The following RIPPLY3 variants were observed in gnomAD, a reference collection of about 807,000 sequenced individuals.
RIPPLY3 encodes protein ripply3.
In RIPPLY3, 8 loss-of-function variants were observed where a neutral mutation model predicts 11.9. That is an observed-to-expected ratio of 0.67 (90% CI 0.40 to 1.21). The LOEUF (loss-of-function observed/expected upper bound fraction) is 1.21. RIPPLY3 is among the 50% of genes most tolerant of loss of function. The pLI is 0.01. For missense variants in RIPPLY3, 271 were observed against 246.0 expected, an observed-to-expected ratio of 1.10 and a Z score of -0.68; for synonymous variants, 102 against 99.0, an observed-to-expected ratio of 1.03 and a Z score of -0.18.
At position 37,018,270 on chromosome 21, in the gene RIPPLY3, C is replaced by T. The variant is rs779921991; in HGVS notation, c.*63C>T. 36 of 1,387,530 alleles carry T rather than the reference C, an allele frequency of 2.6e-5. No individual in the cohort carries two copies. The highest frequency in any genetic ancestry group is 3.6e-4 in the Middle Eastern group (2 of 5,630). The allele number at this position is 1,387,530 out of a possible 1,614,324, so 86.0% of individuals were successfully genotyped here. A position where few individuals can be genotyped will look rare whatever the true frequency, so the allele number is the denominator to read the frequency against. ...CCCCTCACGTTCTCTTGGGGACACC[C>T]GAGCCAGGACACTACGCATCCCTGC... On this transcript the variant is annotated 3_prime_UTR_variant, in exon 4 of 4. Transcript: ENST00000329553.
Position 37,017,873 on chromosome 21 carries a change from G to T in RIPPLY3, c.240-1G>T. The T allele has an allele frequency of 6.2e-7, 1 of 1,601,680 alleles. No individual in the cohort carries two copies. Among genetic ancestry groups the T allele is most frequent in the Non-Finnish European group, 8.5e-7 (1 of 1,173,128 alleles). On this transcript the variant is annotated splice_acceptor_variant, in intron 3 of 3. Transcript: ENST00000329553. LOFTEE classifies it high-confidence loss of function. The stretch of plus-strand genomic sequence containing the variant: ...TGGTATATTTGTTTCTTAAATATTA[G>T]AGTCTATTTACCCATGTCAAAGCGT...
At chr21:37,012,220 TATTATTA>T (rs2069531449) in intron 2 of RIPPLY3, among the ~76,000 whole-genome samples, 1 of 143,652 alleles carries the variant, frequency 7.0e-6, no homozygotes, top group Admixed American at 7.0e-5. Context: ...TATTTATTAT[TATTATTA>T]TTATTATTAT....
At chr21:37,008,358 C>A in intron 2 of RIPPLY3, 135 bp downstream of exon 2, 1 of 798,242 alleles carries the variant, frequency 1.3e-6, no homozygotes, top group Non-Finnish European at 2.0e-6. Flanking sequence ...GCCTCGGGGT[C>A]TGGGAGTTGG....
chr21:37,018,142 T>C lies in RIPPLY3; in HGVS notation c.508T>C (p.Trp170Arg). The C allele has an allele frequency of 6.2e-7, 1 of 1,613,870 alleles. No individual in the cohort carries two copies. The highest frequency in any genetic ancestry group is 8.5e-7 in the Non-Finnish European group (1 of 1,179,942). Residue 170 changes from tryptophan to arginine, a missense_variant, in exon 4 of 4, where the codon TGG (tryptophan) becomes CGG (arginine). Physicochemically the swap from Trp to Arg is moderately radical, Grantham distance 101 (BLOSUM62 -3). Transcript: ENST00000329553. Reference sequence around the variant, plus strand: ...GCGATCCTCAGGAGGGGGTGACCACTGGGGGGAGGGTCCGCTCCCTCAAGG... The same window carrying C: ...GCGATCCTCAGGAGGGGGTGACCACCGGGGGGAGGGTCCGCTCCCTCAAGG... ...GQRSSGGGDH[W>R]GEGPLPQGVS...
chr21:37,009,986 G>A (rs1350045959), intron 2 of RIPPLY3, among the ~76,000 whole-genome samples: 1 of 152,178 alleles, frequency 6.6e-6, no homozygotes, highest in African/African-American at 2.4e-5. Flanking sequence ...CACCGCCCTG[G>A]GTTCCCTGCA....
rs146394295 is a variant in RIPPLY3, at chr21:37,007,715, TTTTG to T, written c.105-430_105-427del. Among the ~76,000 whole-genome samples the T allele has an allele frequency of 9.8e-3, 1,498 of 152,204 alleles. 28 individuals are homozygous for T. The highest frequency in any genetic ancestry group is 0.072 in the East Asian group (372 of 5,154). ...TGAGCCACCGCGCCCAGCCCCCTTT[TTTTG>T]TTTGTTTGTTTTTCATCCTACAACT... On this transcript the variant is annotated intron_variant, in intron 1 of 3. Coordinates refer to ENST00000329553, the MANE Select transcript of RIPPLY3 (RefSeq NM_018962.3).
rs559194280 is a variant in RIPPLY3, at chr21:37,018,494, C to G, written c.*287C>G. ...TCTCATAGAGCCAGTTTTCAAAGCT[C>G]CTTCTGCATTGTCACTCACTGATCA... is the stretch of plus-strand genomic sequence containing the variant. On this transcript the variant is annotated 3_prime_UTR_variant, in exon 4 of 4. Coordinates refer to ENST00000329553, the MANE Select transcript of RIPPLY3 (RefSeq NM_018962.3). The G allele has an allele frequency of 1.5e-5, 6 of 403,324 alleles. No homozygotes were observed. The highest frequency in any genetic ancestry group is 2.2e-5 in the Non-Finnish European group (5 of 222,862). The allele number at this position is 403,324 out of a possible 1,614,324, so 25.0% of individuals were successfully genotyped here. A position where few individuals can be genotyped will look rare whatever the true frequency, so the allele number is the denominator to read the frequency against.
chr21:37,007,339 G>A (rs1216629953), intron 1 of RIPPLY3, among the ~76,000 whole-genome samples: 1 of 151,718 alleles, frequency 6.6e-6, no homozygotes, highest in Non-Finnish European at 1.5e-5. Flanking sequence ...TAGCCAGGGA[G>A]GTAGGGAAGG....
chr21:37,007,711 C>CT (rs936105035), intron 1 of RIPPLY3, among the ~76,000 whole-genome samples: 3 of 152,058 alleles, frequency 2.0e-5, no homozygotes, highest in East Asian at 2.0e-4. Context: ...GCCCAGCCCC[C>CT]TTTTTTTGTT....
chr21:37,006,215 G>T (rs1325319925), upstream of RIPPLY3: 2 of 152,744 alleles, frequency 1.3e-5, no homozygotes, highest in Admixed American at 6.5e-5. The surrounding 1 kb of genome is among the most constrained non-coding windows in gnomAD (Gnocchi z 5.2). Context: ...TCCCACATCC[G>T]GCAGGGGAAG....
intron 2 of RIPPLY3, among the ~76,000 whole-genome samples, chr21:37,009,169 T>G (rs1449410718): frequency 6.6e-6 from 1 of 152,230 alleles, no homozygotes; most frequent in Non-Finnish European, 1.5e-5. Flanking sequence ...ATGTAATGAC[T>G]TGCTTTCATA....
At chr21:37,007,014 A>G (rs1386701014) in intron 1 of RIPPLY3, 138 bp downstream of exon 1, 11 of 484,744 alleles carry the variant, frequency 2.3e-5, no homozygotes, top group Middle Eastern at 1.2e-3. Context: ...CGGCGACGCC[A>G]AGCAAGCTCC....
At chr21:37,014,233 G>A (rs148205682) in intron 3 of RIPPLY3, among the ~76,000 whole-genome samples, 1,865 of 152,134 alleles carry the variant, frequency 0.012, 129 homozygotes, top group Admixed American at 0.11. Flanking sequence ...CAGGAGAATC[G>A]CTTGAATCTG....
chr21:37,008,183 A>G lies in RIPPLY3; in HGVS notation c.131A>G (p.Gln44Arg). 6.2e-7 allele frequency: 1 copy of G among 1,614,142 alleles called. No homozygotes were observed. Among genetic ancestry groups the G allele is most frequent in the South Asian group, 1.1e-5 (1 of 91,086 alleles). ...ESPAPWRPWI[Q>R]TPGDAELTRT... ...CCCGCGCCGTGGCGACCTTGGATCC[A>G]GACACCTGGAGATGCTGAGCTGACC... Residue 44 changes from glutamine (Q) to arginine (R), a missense_variant, in exon 2 of 4, where the codon CAG (glutamine) becomes CGG (arginine). By Grantham distance (43) the Gln-to-Arg change is conservative. Coordinates refer to ENST00000329553, the MANE Select transcript of RIPPLY3 (RefSeq NM_018962.3).
chr21:37,007,438 T>TCAC (rs1438548650), intron 1 of RIPPLY3, among the ~76,000 whole-genome samples: 1 of 130,404 alleles, frequency 7.7e-6, no homozygotes, highest in Non-Finnish European at 1.6e-5. Flanking sequence ...AGACAGGGTC[T>TCAC]CACTGTGTCG....
At chr21:37,011,429 C>T (rs2069520575) in intron 2 of RIPPLY3, among the ~76,000 whole-genome samples, 1 of 152,232 alleles carries the variant, frequency 6.6e-6, no homozygotes, top group African/African-American at 2.4e-5. Flanking sequence ...GTTATTCTTT[C>T]TCTGACACCT....
intron 2 of RIPPLY3, among the ~76,000 whole-genome samples, chr21:37,009,234 A>AT (rs5843784): frequency 0.033 from 4,860 of 147,678 alleles, 212 homozygotes; most frequent in African/African-American, 0.1. Flanking sequence ...CTTTTACTTA[A>AT]TTTTTTTTTT....
intron 2 of RIPPLY3, among the ~76,000 whole-genome samples, chr21:37,012,324 G>A (rs557902945): frequency 2.0e-5 from 3 of 151,546 alleles, no homozygotes; most frequent in Admixed American, 6.6e-5. Context: ...TGCAACCTCC[G>A]CTTCCCGGGT....
chr21:37,014,969 C>T (rs562250554), intron 3 of RIPPLY3, among the ~76,000 whole-genome samples: 1 of 152,260 alleles, frequency 6.6e-6, no homozygotes, highest in South Asian at 2.1e-4. Flanking sequence ...CTCAAGCTAT[C>T]CTCTTCCCTC....
Sources: allele counts gnomAD v4.1 joint callset (sites outside exome capture counted in the v4.1 genomes callset), GRCh38; gene constraint gnomAD v4.1.1; non-coding constraint Gnocchi (gnomAD v3.1); transcripts MANE v1.5; gene names NCBI Gene and HGNC (gene_info 2026-07-23, HGNC 2026-07-21).